SGK1: variants seen among roughly 807,000 people sequenced by gnomAD.
SGK1 encodes the protein serum/glucocorticoid regulated kinase 1, also known as serine/threonine-protein kinase Sgk1.
SGK1 carries 26 observed loss-of-function variants against 64.2 expected under a neutral mutation model. The observed-to-expected ratio is 0.40, with a 90% CI of 0.30 to 0.56. SGK1 has a LOEUF of 0.56. Ranked by LOEUF, SGK1 falls within the 20% of genes least tolerant of loss-of-function variation. SGK1 has a pLI of 0.38. For synonymous variants in SGK1, 265 were observed against 239.7 expected (o/e 1.11, Z -0.98); for missense variants, 519 against 645.6 (o/e 0.80, Z 2.12).
chr6:134,203,784 T>C (rs1414638823), intron 3 of SGK1, among the ~76,000 whole-genome samples: 1 of 151,956 alleles, frequency 6.6e-6, no homozygotes, highest in Non-Finnish European at 1.5e-5. Context: ...GTGTGTGTGG[T>C]TGGGCACGGT....
Position 134,174,073 on chromosome 6 carries a change from C to A in SGK1, c.445G>T (p.Val149Phe), listed in dbSNP as rs1348425907. The stretch of plus-strand genomic sequence containing the variant: ...TGGGAGATCTTCAAGATGGACTGAA[C>A]TTCAGGGCTGCAGGGAATAAAGGGC... The part of the protein sequence containing the change: ...NNSYACKHPE[V>F]QSILKISQPQ... Residue 149 changes from valine to phenylalanine, a missense_variant, in exon 5 of 14, where the codon GTT becomes TTT. Transcript: ENST00000367858. 5.0e-6 allele frequency: 8 copies of A among 1,613,010 alleles called. No individual in the cohort carries two copies. The highest frequency in any genetic ancestry group is 1.3e-5 in the African/African-American group (1 of 74,878).
rs55704631 is a variant in SGK1 at position 134,219,760 on chromosome 6, C to CAA, written c.286-12331_286-12330dup. The stretch of plus-strand genomic sequence containing the variant: ...GGGCAACAAGATCGAAACTCTGTCT[C>CAA]AAAAAAAAAAAAAAAGAGGCCGGGC... On this transcript the variant is annotated intron_variant, in intron 2 of 13. Transcript: ENST00000367858. Among the ~76,000 whole-genome samples the CAA allele has an allele frequency of 4.4e-3, 539 of 122,376 alleles. 2 individuals are homozygous for CAA. The highest frequency in any genetic ancestry group is 7.0e-3 in the Admixed American group (85 of 12,192). The allele number at this position is 122,376 out of a possible 152,430, so 80.3% of individuals were successfully genotyped here.
At chr6:134,182,094 G>C (rs1025080788) in intron 3 of SGK1, among the ~76,000 whole-genome samples, 8 of 152,030 alleles carry the variant, frequency 5.3e-5, no homozygotes, top group Non-Finnish European at 1.2e-4. Context: ...CTGAGCTCAA[G>C]TGATCTGTCC....
At chr6:134,286,681 A>C (rs530791683) in intron 1 of SGK1, among the ~76,000 whole-genome samples, 5 of 151,960 alleles carry the variant, frequency 3.3e-5, no homozygotes, top group Non-Finnish European at 5.9e-5. Flanking sequence ...GTTAGCCAGG[A>C]TGGTCTCAAT....
intron 3 of SGK1, among the ~76,000 whole-genome samples, chr6:134,181,655 C>G (rs781451326): frequency 6.6e-6 from 1 of 151,384 alleles, no homozygotes; most frequent in African/African-American, 2.4e-5. Context: ...CAAGTCTCTC[C>G]CATTTCTGAG....
chr6:134,275,071 A>T (rs539699928), intron 1 of SGK1, among the ~76,000 whole-genome samples: 2 of 152,304 alleles, frequency 1.3e-5, no homozygotes, highest in East Asian at 3.9e-4. Context: ...GGCCTCCCAA[A>T]GTGCTGGTAT....
At chr6:134,296,572 T>G (rs1262718166) in intron 1 of SGK1, among the ~76,000 whole-genome samples, 2 of 152,088 alleles carry the variant, frequency 1.3e-5, no homozygotes, top group Non-Finnish European at 2.9e-5. Context: ...CCCTCTTGCC[T>G]CAGCCTCCTA....
chr6:134,258,284 AT>A (rs1462141944), intron 2 of SGK1, among the ~76,000 whole-genome samples: 1 of 151,736 alleles, frequency 6.6e-6, no homozygotes, highest in Non-Finnish European at 1.5e-5. Context: ...TATTTTATTT[AT>A]TTGTAGAGAC....
At chr6:134,306,117 G>A (rs1443717884) in intron 1 of SGK1, among the ~76,000 whole-genome samples, 1 of 152,076 alleles carries the variant, frequency 6.6e-6, no homozygotes, top group African/African-American at 2.4e-5. Context: ...AAACTGACAG[G>A]TGCCATAAAA....
At chr6:134,188,290 C>G (rs1775454764) in intron 3 of SGK1, among the ~76,000 whole-genome samples, 1 of 151,958 alleles carries the variant, frequency 6.6e-6, no homozygotes, top group South Asian at 2.1e-4. Flanking sequence ...CACCAATTTT[C>G]CAATCATGTT....
At chr6:134,207,458 G>A (rs745506518) in intron 2 of SGK1, 27 bp from the exon 3 acceptor site, 3 of 1,530,352 alleles carry the variant, frequency 2.0e-6, no homozygotes, top group Non-Finnish European at 1.8e-6. Context: ...GAAAAGAAGT[G>A]ATATAAAAAT....
chr6:134,170,147 GC>G lies in SGK1; in HGVS notation c.*120del. 1.2e-6 allele frequency: 1 copy of G among 801,636 alleles called. No individual in the cohort carries two copies. The allele number at this position is 801,636 out of a possible 1,614,324, so 49.7% of individuals were successfully genotyped here. On this transcript the variant is annotated 3_prime_UTR_variant, in exon 14 of 14. Coordinates refer to ENST00000367858, the MANE Select transcript of SGK1 (RefSeq NM_001143676.3). The stretch of plus-strand genomic sequence containing the variant: ...GAACAGTGTGCAATAAGATTGCTAA[GC>G]TTCCAGAGATGTGCAAATTCTCTTG...
rs115185285 is a variant in SGK1, at chr6:134,285,519, C to T, written c.70-23371G>A. The stretch of plus-strand genomic sequence containing the variant: ...AAAGGTGGTCCCTTTTCACCACATC[C>T]GCACCAGCATCAATTTTTTTTTTTT... On this transcript the variant is annotated intron_variant, in intron 1 of 13. Coordinates refer to ENST00000367858, the MANE Select transcript of SGK1 (RefSeq NM_001143676.3). 7.1e-3 allele frequency among the ~76,000 whole-genome samples: 1,067 copies of T among 149,368 alleles called. 8 individuals carry two copies. The highest frequency in any genetic ancestry group is 0.023 in the African/African-American group (946 of 40,496).
In SGK1 at chr6:134,174,299, C is replaced by T. The variant is rs573521558; in HGVS notation, c.437+212G>A. 2.7e-4 allele frequency: 166 copies of T among 604,866 alleles called. No homozygotes were observed. In the Middle Eastern group the frequency reaches 3.1e-3, roughly 11 times the overall value. The allele number at this position is 604,866 out of a possible 1,614,324, so 37.5% of individuals were successfully genotyped here. ...GGAGAAAGGCCGTGAATTCGGCCAA[C>T]ACGAACCATTTATCTTACATCTCCA... On this transcript the variant is annotated intron_variant, in intron 4 of 13. Coordinates refer to ENST00000367858, the MANE Select transcript of SGK1 (RefSeq NM_001143676.3).
chr6:134,300,329 A>G (rs1777429227), intron 1 of SGK1, among the ~76,000 whole-genome samples: 2 of 151,758 alleles, frequency 1.3e-5, no homozygotes, highest in African/African-American at 4.8e-5. Flanking sequence ...ACGAGGTCAG[A>G]AGATTAAGAC....
At chr6:134,281,245 A>G (rs935174899) in intron 1 of SGK1, among the ~76,000 whole-genome samples, 2 of 152,156 alleles carry the variant, frequency 1.3e-5, no homozygotes, top group African/African-American at 4.8e-5. Context: ...TTAGTATTTT[A>G]GTACTGTTAG....
chr6:134,212,895 A>G (rs1775915181), intron 2 of SGK1, among the ~76,000 whole-genome samples: 1 of 152,156 alleles, frequency 6.6e-6, no homozygotes, highest in Non-Finnish European at 1.5e-5. Flanking sequence ...CTTTCGTATG[A>G]AGCAAATGCC....
Position 134,305,150 on chromosome 6 carries a change from G to A in SGK1, c.69+12242C>T, listed in dbSNP as rs1777515383. Reference sequence around the variant, plus strand: ...AGACGGGTGGCTCACCTGAGGTCAGGAGTTTGAGACCAGCCTGGTCAACAT... The same window carrying A: ...AGACGGGTGGCTCACCTGAGGTCAGAAGTTTGAGACCAGCCTGGTCAACAT... On this transcript the variant is annotated intron_variant, in intron 1 of 13. Coordinates refer to ENST00000367858, the MANE Select transcript of SGK1 (RefSeq NM_001143676.3). Among the ~76,000 whole-genome samples, 4 of 152,148 alleles carry A rather than the reference G, an allele frequency of 2.6e-5. 1 individual carries two copies. The South Asian group carries it at 8.3e-4, about 32-fold the overall frequency.
intron 1 of SGK1, among the ~76,000 whole-genome samples, chr6:134,280,750 T>C (rs999982342): frequency 1.3e-5 from 2 of 152,192 alleles, no homozygotes; most frequent in Non-Finnish European, 2.9e-5. Context: ...TGTGTGCCTG[T>C]CACCCTGCGA....
Sources: allele counts gnomAD v4.1 joint callset (sites outside exome capture counted in the v4.1 genomes callset), GRCh38; gene constraint gnomAD v4.1.1; transcripts MANE v1.5; gene names NCBI Gene and HGNC (gene_info 2026-07-23, HGNC 2026-07-21).